The following AUTS2 variants were observed in gnomAD, a reference collection of about 807,000 sequenced individuals.
AUTS2 encodes autism susceptibility gene 2 protein.
Under a neutral mutation model 112.4 loss-of-function variants are expected in AUTS2, and 17 were observed. The ratio of observed to expected loss-of-function variants is 0.15; its 90% CI spans 0.10 to 0.23. The LOEUF (loss-of-function observed/expected upper bound fraction) is 0.23, where lower values mean the gene tolerates loss of function less well. Among genes scored for constraint, AUTS2 ranks in the 10% least tolerant of loss-of-function variants. The probability of loss-of-function intolerance (pLI) is 1.00; values close to 1 mark genes in which losing one functional copy is unlikely to be tolerated. For synonymous variants in AUTS2, 751 were observed against 702.7 expected (o/e 1.07, Z -1.09); for missense variants, 1,510 against 1,701.6 (o/e 0.89, Z 1.98).
intron 1 of AUTS2, among the ~76,000 whole-genome samples, chr7:69,864,802 G>T (rs370430846): frequency 7.9e-5 from 12 of 152,194 alleles, no homozygotes; most frequent in East Asian, 3.8e-4. Flanking sequence ...TGTTGCTAAT[G>T]ATCTATCCAA....
chr7:70,090,009 C>CAAATAAAT (rs34279658), intron 2 of AUTS2, among the ~76,000 whole-genome samples: 19,479 of 144,264 alleles, frequency 0.14, 1,374 homozygotes, highest in Middle Eastern at 0.21. Flanking sequence ...TGTTTCAAAA[C>CAAATAAAT]AAATAAATAA....
At chr7:70,414,660 G>T (rs1452751624) in intron 4 of AUTS2, among the ~76,000 whole-genome samples, 1 of 152,130 alleles carries the variant, frequency 6.6e-6, no homozygotes, top group African/African-American at 2.4e-5. Flanking sequence ...AGAGAATATG[G>T]CATTGGAAAG....
chr7:70,383,674 T>G (rs1793476141), intron 4 of AUTS2, among the ~76,000 whole-genome samples: 1 of 152,212 alleles, frequency 6.6e-6, no homozygotes, highest in Non-Finnish European at 1.5e-5. Flanking sequence ...AGTCTGTTTT[T>G]TCCACAGTAA....
Position 70,501,101 on chromosome 7 carries a change from C to T in AUTS2, c.690+65320C>T, listed in dbSNP as rs1440271736. Reference sequence around the variant, plus strand: ...AAAAAATCTAAAATGACTTTTTCTACTTATTTTTATCTCACCTATTCAGAT... The same window carrying T: ...AAAAAATCTAAAATGACTTTTTCTATTTATTTTTATCTCACCTATTCAGAT... On this transcript the variant is annotated intron_variant, in intron 5 of 18. Coordinates refer to ENST00000342771, the MANE Select transcript of AUTS2 (RefSeq NM_015570.4). 2.0e-5 allele frequency among the ~76,000 whole-genome samples: 3 copies of T among 152,168 alleles called. No individual in the cohort carries two copies. In the East Asian group the frequency reaches 5.8e-4, roughly 29 times the overall value.
chr7:70,590,005 G>A lies in AUTS2; in HGVS notation c.691-108564G>A, dbSNP rs183710633. Among the ~76,000 whole-genome samples, 138 of 152,254 alleles carry A rather than the reference G, an allele frequency of 9.1e-4. 1 individual carries two copies. The highest frequency in any genetic ancestry group is 2.6e-3 in the Admixed American group (40 of 15,298). The stretch of plus-strand genomic sequence containing the variant: ...AGGGAGAGCAGTCTGCAGAGGCAAG[G>A]CCTGAGTGGCCACAATGACTTAGGT... On this transcript the variant is annotated intron_variant, in intron 5 of 18. Coordinates refer to ENST00000342771, the MANE Select transcript of AUTS2 (RefSeq NM_015570.4).
intron 4 of AUTS2, among the ~76,000 whole-genome samples, chr7:70,204,488 G>C (rs139517483): frequency 6.6e-6 from 1 of 152,014 alleles, no homozygotes; most frequent in South Asian, 2.1e-4. Flanking sequence ...ATGTTTTGTC[G>C]GGGGGTGGGG....
chr7:69,914,300 C>A (rs1350734704), intron 2 of AUTS2, among the ~76,000 whole-genome samples: 1 of 149,522 alleles, frequency 6.7e-6, no homozygotes, highest in Non-Finnish European at 1.5e-5. Flanking sequence ...TGTTACATTC[C>A]AACTTTAATT....
intron 5 of AUTS2, among the ~76,000 whole-genome samples, chr7:70,693,328 G>T (rs1322378049): frequency 6.6e-6 from 1 of 152,220 alleles, no homozygotes; most frequent in Non-Finnish European, 1.5e-5. Flanking sequence ...CGTAACTGCT[G>T]CCCATGTAGC....
chr7:69,895,558 G>A (rs1794712039), intron 1 of AUTS2, among the ~76,000 whole-genome samples: 1 of 139,148 alleles, frequency 7.2e-6, no homozygotes, highest in Non-Finnish European at 1.5e-5. Context: ...CCCCCCGAGT[G>A]GAAAATCTCA....
intron 4 of AUTS2, among the ~76,000 whole-genome samples, chr7:70,411,392 G>A (rs1794769335): frequency 6.6e-6 from 1 of 152,040 alleles, no homozygotes; most frequent in South Asian, 2.1e-4. Context: ...CAAGTCTCAA[G>A]ACAGGTAAAT....
At chr7:70,225,740 A>G (rs530299487) in intron 4 of AUTS2, among the ~76,000 whole-genome samples, 1 of 152,316 alleles carries the variant, frequency 6.6e-6, no homozygotes, top group African/African-American at 2.4e-5. Flanking sequence ...TACTTGAAAA[A>G]TTATTTTACA....
intron 2 of AUTS2, among the ~76,000 whole-genome samples, chr7:70,076,763 A>G (rs1803055257): frequency 6.6e-6 from 1 of 152,152 alleles, no homozygotes; most frequent in Non-Finnish European, 1.5e-5. Context: ...AATGTTGAAA[A>G]CAGATAAATG....
At chr7:70,787,002 A>G (rs1791541600) in intron 17 of AUTS2, 2 of 657,740 alleles carry the variant, frequency 3.0e-6, no homozygotes, top group Non-Finnish European at 2.7e-6. Flanking sequence ...GGTTTTAAAA[A>G]GAAAAAAAAA....
At chr7:70,203,376 A>T (rs1323101568) in intron 4 of AUTS2, among the ~76,000 whole-genome samples, 2 of 149,688 alleles carry the variant, frequency 1.3e-5, no homozygotes, top group African/African-American at 4.9e-5. Context: ...GTTTACGGAT[A>T]AAAGAATGAG....
intron 4 of AUTS2, among the ~76,000 whole-genome samples, chr7:70,252,288 C>A (rs1049021534): frequency 1.3e-5 from 2 of 152,152 alleles, no homozygotes; most frequent in Admixed American, 1.3e-4. Flanking sequence ...CCACTGCCAA[C>A]CCTTACCTTT....
At chr7:70,651,790 TA>T (rs1259374367) in intron 5 of AUTS2, among the ~76,000 whole-genome samples, 1 of 152,092 alleles carries the variant, frequency 6.6e-6, no homozygotes, top group Non-Finnish European at 1.5e-5. Context: ...AATAGTGAGA[TA>T]AAAGGTAGGG....
chr7:70,549,714 A>C (rs1353447103), intron 5 of AUTS2, among the ~76,000 whole-genome samples: 1 of 152,130 alleles, frequency 6.6e-6, no homozygotes, highest in Admixed American at 6.5e-5. Context: ...TTAAAAAGCC[A>C]CTTCGCATTG....
chr7:69,613,567 C>T (rs915959182), intron 1 of AUTS2, among the ~76,000 whole-genome samples: 4 of 152,198 alleles, frequency 2.6e-5, no homozygotes, highest in African/African-American at 4.8e-5. Flanking sequence ...AACCCTTGCA[C>T]TCATTTATCT....
At chr7:69,964,738 T>C (rs1307733451) in intron 2 of AUTS2, among the ~76,000 whole-genome samples, 1 of 152,046 alleles carries the variant, frequency 6.6e-6, no homozygotes, top group Non-Finnish European at 1.5e-5. Context: ...GATTGACATC[T>C]CTACTCTTTC....
Sources: gnomAD v4.1 joint callset for allele counts (sites outside exome capture counted in the v4.1 genomes callset) on GRCh38, gnomAD v4.1.1 for gene constraint, MANE v1.5 for transcripts, NCBI Gene and HGNC (gene_info 2026-07-23, HGNC 2026-07-21) for gene names.